Variants in STAG1 observed in about 807,000 individuals in gnomAD.
STAG1 encodes STAG1 cohesin complex component.
A neutral mutation model predicts 170.9 loss-of-function variants in STAG1; 26 were observed. That is an observed-to-expected ratio of 0.15 (90% CI 0.11 to 0.21). The LOEUF (loss-of-function observed/expected upper bound fraction) is 0.21. Ranked by LOEUF, STAG1 falls within the 10% of genes least tolerant of loss-of-function variation. The probability of loss-of-function intolerance (pLI) is 1.00; values close to 1 mark genes in which losing one functional copy is unlikely to be tolerated. For missense variants in STAG1, 964 were observed against 1,509.5 expected, an observed-to-expected ratio of 0.64 and a Z score of 5.99; for synonymous variants, 514 against 497.7, an observed-to-expected ratio of 1.03 and a Z score of -0.44.
At chr3:136,507,596 G>C (rs1053609853) in intron 7 of STAG1, among the ~76,000 whole-genome samples, 10 of 152,022 alleles carry the variant, frequency 6.6e-5, no homozygotes, top group African/African-American at 1.2e-4. Flanking sequence ...TTGAACTCCT[G>C]GCCTCAAGTG....
intron 1 of STAG1, among the ~76,000 whole-genome samples, chr3:136,651,327 C>T (rs1941209787): frequency 6.7e-6 from 1 of 148,796 alleles, no homozygotes; most frequent in African/African-American, 2.5e-5. Context: ...GATTATGTCA[C>T]TGCACTCCAG....
At chr3:136,520,574 C>T (rs1407599817) in intron 7 of STAG1, among the ~76,000 whole-genome samples, 1 of 151,864 alleles carries the variant, frequency 6.6e-6, no homozygotes, top group Non-Finnish European at 1.5e-5. Context: ...AGAAAATTAC[C>T]TCGTTACTGA....
intron 1 of STAG1, among the ~76,000 whole-genome samples, chr3:136,678,267 A>G (rs972500773): frequency 6.6e-5 from 10 of 151,726 alleles, no homozygotes; most frequent in Non-Finnish European, 1.3e-4. Context: ...AACTGCTTCA[A>G]ATAACAGTGC....
At chr3:136,413,384 A>G (rs1223936082) in intron 21 of STAG1, among the ~76,000 whole-genome samples, 1 of 150,034 alleles carries the variant, frequency 6.7e-6, no homozygotes, top group African/African-American at 2.4e-5. Context: ...ACATGTCTAT[A>G]ATTTGATTGT....
intron 1 of STAG1, among the ~76,000 whole-genome samples, chr3:136,633,710 A>AGGG (rs71157394): frequency 1.3e-4 from 6 of 44,812 alleles, no homozygotes; most frequent in African/African-American, 5.1e-4. Flanking sequence ...TCAAAAAAAA[A>AGGG]GGGGGGGGGG....
At chr3:136,612,330 G>A (rs1939338219) in intron 3 of STAG1, among the ~76,000 whole-genome samples, 1 of 151,980 alleles carries the variant, frequency 6.6e-6, no homozygotes, top group African/African-American at 2.4e-5. Context: ...TGTCTGGCTG[G>A]GCACGGTGGC....
intron 6 of STAG1, among the ~76,000 whole-genome samples, chr3:136,531,573 T>C (rs1041768622): frequency 2.6e-5 from 4 of 151,696 alleles, no homozygotes; most frequent in African/African-American, 9.7e-5. Flanking sequence ...TGGAATACTA[T>C]TGCAGCCATA....
At chr3:136,388,328 C>T (rs2086920651) in intron 22 of STAG1, among the ~76,000 whole-genome samples, 1 of 152,152 alleles carries the variant, frequency 6.6e-6, no homozygotes. Context: ...TTCCAACACA[C>T]ACACAAAATG....
intron 22 of STAG1, among the ~76,000 whole-genome samples, chr3:136,386,296 G>A (rs550040841): frequency 2.8e-4 from 43 of 152,248 alleles, no homozygotes; most frequent in African/African-American, 1.0e-3. Flanking sequence ...CCGAGATCGT[G>A]CCATTGCACT....
chr3:136,354,672 T>A (rs1576382425), intron 28 of STAG1, among the ~76,000 whole-genome samples: 1 of 136,442 alleles, frequency 7.3e-6, no homozygotes, highest in East Asian at 2.3e-4. Context: ...AAAAATACAA[T>A]TAAAGATTAA....
chr3:136,416,978 TG>T (rs1158643379), intron 21 of STAG1, among the ~76,000 whole-genome samples: 2 of 151,650 alleles, frequency 1.3e-5, no homozygotes, highest in Non-Finnish European at 2.9e-5. Flanking sequence ...CCCAAGTAGC[TG>T]GGGACTACAG....
intron 18 of STAG1, 37 bp from the exon 19 acceptor site, chr3:136,422,650 G>A (rs1377905793): frequency 1.3e-6 from 2 of 1,577,032 alleles, no homozygotes; most frequent in African/African-American, 2.7e-5. Context: ...TAATATTTAG[G>A]TTAACAATAA....
chr3:136,604,811 A>G (rs1041932378), intron 3 of STAG1, among the ~76,000 whole-genome samples: 1 of 152,080 alleles, frequency 6.6e-6, no homozygotes, highest in South Asian at 2.1e-4. Context: ...CACCACGACC[A>G]GTTAATTTTT....
chr3:136,703,306 C>T (rs988634402), intron 1 of STAG1, among the ~76,000 whole-genome samples: 23 of 152,164 alleles, frequency 1.5e-4, no homozygotes, highest in Admixed American at 1.2e-3. Context: ...GTAGCAGCTA[C>T]CATCCCCCAT....
intron 6 of STAG1, among the ~76,000 whole-genome samples, chr3:136,541,354 T>C (rs1338414044): frequency 6.6e-6 from 1 of 152,020 alleles, no homozygotes; most frequent in Non-Finnish European, 1.5e-5. Flanking sequence ...TCACCATAAA[T>C]ACAATACAGA....
At position 136,548,792 on chromosome 3, in the gene STAG1, A is replaced by G. The variant is rs147123099; in HGVS notation, c.395-6597T>C. ...ATCTCATGTCAAATTGTAATCCCCA[A>G]TGTTGGAGGTGGGGCCTGGTAGGAG... On this transcript the variant is annotated intron_variant, in intron 5 of 33. Transcript: ENST00000383202. Among the ~76,000 whole-genome samples, 1,109 of 152,148 alleles carry G rather than the reference A, an allele frequency of 7.3e-3. 16 individuals carry two copies. The highest frequency in any genetic ancestry group is 0.024 in the African/African-American group (998 of 41,502).
chr3:136,750,068 A>T (rs1935151475), intron 1 of STAG1, among the ~76,000 whole-genome samples: 1 of 152,230 alleles, frequency 6.6e-6, no homozygotes, highest in Non-Finnish European at 1.5e-5. Context: ...AGTCAGAATC[A>T]AGGAAAAAAA....
rs1235244317 is a variant in STAG1 at position 136,337,196 on chromosome 3, C to CTTAA, written c.*1054_*1057dup. The CTTAA allele has an allele frequency of 4.6e-5, 7 of 152,638 alleles. No individual in the cohort carries two copies. The highest frequency in any genetic ancestry group is 2.6e-4 in the Admixed American group (4 of 15,272). The allele number at this position is 152,638 out of a possible 1,614,324, so 9.5% of individuals were successfully genotyped here. A position where few individuals can be genotyped will look rare whatever the true frequency, so the allele number is the denominator to read the frequency against. Reference sequence around the variant, plus strand: ...AGCACATACTTCTATAATCAGTAAACTTAATTCACAAAATTAGCGCATAAG... The same window carrying CTTAA: ...AGCACATACTTCTATAATCAGTAAACTTAATTAATTCACAAAATTAGCGCATAAG... On this transcript the variant is annotated 3_prime_UTR_variant, in exon 34 of 34. Coordinates refer to ENST00000383202, the MANE Select transcript of STAG1 (RefSeq NM_005862.3).
intron 4 of STAG1, among the ~76,000 whole-genome samples, chr3:136,599,480 G>A (rs930954842): frequency 6.6e-6 from 1 of 152,094 alleles, no homozygotes; most frequent in African/African-American, 2.4e-5. Flanking sequence ...GCAGTGAGCC[G>A]AGATTGCGCC....
Sources: gnomAD v4.1 joint callset for allele counts (sites outside exome capture counted in the v4.1 genomes callset) on GRCh38, gnomAD v4.1.1 for gene constraint, MANE v1.5 for transcripts, NCBI Gene and HGNC (gene_info 2026-07-23, HGNC 2026-07-21) for gene names.